RPRD1A: variants seen among roughly 807,000 people sequenced by gnomAD.
RPRD1A encodes regulation of nuclear pre-mRNA domain containing 1A.
In RPRD1A, 9 loss-of-function variants were observed where a neutral mutation model predicts 37.8. That is an observed-to-expected ratio of 0.24 (90% CI 0.14 to 0.42). RPRD1A has a LOEUF of 0.42. Ranked by LOEUF, RPRD1A falls within the 10% of genes least tolerant of loss-of-function variation. RPRD1A has a pLI of 1.00. For missense variants in RPRD1A, 255 were observed against 371.0 expected (o/e 0.69, Z 2.57); for synonymous variants, 138 against 139.7 (o/e 0.99, Z 0.08).
intron 1 of RPRD1A, among the ~76,000 whole-genome samples, chr18:36,054,671 C>G (rs150400803): frequency 1.3e-5 from 2 of 152,012 alleles, no homozygotes; most frequent in Non-Finnish European, 2.9e-5. Context: ...ACAAGTCCCA[C>G]GATCTGCAGT....
chr18:36,008,577 G>GTGTGTATGTATATATATATATATATATA lies in RPRD1A; in HGVS notation c.790-15278_790-15277insTATATATATATATATATATACATACACA. ...GGCGACACAGCAAGACCTTGTGTGTGTATATATATATATCTTTAAAAATCT... is the reference window on the plus strand; with the variant it reads ...GGCGACACAGCAAGACCTTGTGTGTGTGTGTATGTATATATATATATATATATATATATATATATATCTTTAAAAATCT... On this transcript the variant is annotated intron_variant, in intron 6 of 6. Transcript: ENST00000399022. 2.9e-4 allele frequency among the ~76,000 whole-genome samples: 14 copies of GTGTGTATGTATATATATATATATATATA among 47,798 alleles called. 1 individual carries two copies. The highest frequency in any genetic ancestry group is 5.6e-4 in the Admixed American group (2 of 3,558). 31.4% of individuals were successfully genotyped at this position (47,798 alleles called of 152,430 possible). A position where few individuals can be genotyped will look rare whatever the true frequency, so the allele number is the denominator to read the frequency against.
Position 36,054,366 on chromosome 18 carries a change from G to A in RPRD1A, c.151+12888C>T, listed in dbSNP as rs140517103. 7.9e-4 allele frequency among the ~76,000 whole-genome samples: 120 copies of A among 152,198 alleles called. 2 individuals carry two copies. In the East Asian group the frequency reaches 0.018, roughly 23 times the overall value. On this transcript the variant is annotated intron_variant, in intron 1 of 6. Coordinates refer to ENST00000399022, the MANE Select transcript of RPRD1A (RefSeq NM_018170.5). Reference sequence around the variant, plus strand: ...AAATTAGCCAGATGTGGTGGCGGGCGCCTGTAATCCCAGCTACTCGGGAGG... The same window carrying A: ...AAATTAGCCAGATGTGGTGGCGGGCACCTGTAATCCCAGCTACTCGGGAGG...
chr18:36,046,906 C>A (rs939177510), intron 1 of RPRD1A, among the ~76,000 whole-genome samples: 1 of 151,408 alleles, frequency 6.6e-6, no homozygotes, highest in Non-Finnish European at 1.5e-5. Context: ...AAAAAATCAC[C>A]CCATATCAAG....
intron 1 of RPRD1A, among the ~76,000 whole-genome samples, chr18:36,055,074 C>G (rs1440197084): frequency 6.6e-6 from 1 of 152,200 alleles, no homozygotes; most frequent in Non-Finnish European, 1.5e-5. Context: ...GGCTGAATGT[C>G]TGGACATCCT....
rs201321239 is a variant in RPRD1A at position 35,993,208 on chromosome 18, A to G, written c.882T>C (p.Asn294=). The G allele has an allele frequency of 3.8e-5, 62 of 1,614,052 alleles. No homozygotes were observed. The Middle Eastern group carries it at 6.6e-4, about 17-fold the overall frequency. Reference sequence around the variant, plus strand: ...GCAGGTGCATGTGGCTGCCAGTGACATTGGGCAATCGAGATAAGTCTGGCA... The same window carrying G: ...GCAGGTGCATGTGGCTGCCAGTGACGTTGGGCAATCGAGATAAGTCTGGCA... ...QSLPDLSRLP[N]VTGSHMHLPF... The change falls in exon 7 of 7, where the codon AAT becomes AAC. Residue 294 remains asparagine, a synonymous_variant. Coordinates refer to ENST00000399022, the MANE Select transcript of RPRD1A (RefSeq NM_018170.5).
intron 4 of RPRD1A, among the ~76,000 whole-genome samples, chr18:36,029,578 A>G (rs1025857210): frequency 6.6e-6 from 1 of 151,172 alleles, no homozygotes; most frequent in African/African-American, 2.4e-5. Context: ...TCCCGCCTAC[A>G]TGTTTGAAAC....
At chr18:36,011,705 C>T (rs760347759) in intron 6 of RPRD1A, among the ~76,000 whole-genome samples, 1 of 151,996 alleles carries the variant, frequency 6.6e-6, no homozygotes, top group Non-Finnish European at 1.5e-5. Context: ...GCAAAAAATG[C>T]CAATGCCAAA....
chr18:36,063,611 G>A (rs1346539293), intron 1 of RPRD1A, among the ~76,000 whole-genome samples: 2 of 152,138 alleles, frequency 1.3e-5, no homozygotes, highest in South Asian at 2.1e-4. Context: ...AAGATTGATC[G>A]ATTCCTTTCA....
intron 1 of RPRD1A, among the ~76,000 whole-genome samples, chr18:36,041,333 G>A (rs973226426): frequency 2.6e-5 from 4 of 151,656 alleles, no homozygotes; most frequent in Non-Finnish European, 2.9e-5. Context: ...CCTTTTCTCC[G>A]AATTCTTTGG....
chr18:36,022,723 G>A (rs1911075270), intron 6 of RPRD1A, among the ~76,000 whole-genome samples: 1 of 152,146 alleles, frequency 6.6e-6, no homozygotes, highest in African/African-American at 2.4e-5. Context: ...AGCACTTTGG[G>A]AGGCCCAGGT....
chr18:36,066,038 A>T (rs2089023044), intron 1 of RPRD1A, among the ~76,000 whole-genome samples: 1 of 152,190 alleles, frequency 6.6e-6, no homozygotes, highest in African/African-American at 2.4e-5. Context: ...CTAATTCCTG[A>T]CTTTTCAAAG....
intron 1 of RPRD1A, among the ~76,000 whole-genome samples, chr18:36,048,820 T>C (rs1237739587): frequency 6.6e-6 from 1 of 152,254 alleles, no homozygotes; most frequent in Non-Finnish European, 1.5e-5. Context: ...GAAAAAATTA[T>C]AAATGAAGAA....
chr18:36,067,546 C>G lies in RPRD1A; in HGVS notation c.-142G>C, dbSNP rs2089058541. On this transcript the variant is annotated 5_prime_UTR_variant, in exon 1 of 7. Transcript: ENST00000399022. ...CCGCCGCTTCATCCAAGACCGGCCG[C>G]AAACCAGCAAGATGGCGTCCGGCCG... 2 of 788,888 alleles carry G rather than the reference C, an allele frequency of 2.5e-6. No individual in the cohort carries two copies. The highest frequency in any genetic ancestry group is 3.8e-6 in the Non-Finnish European group (2 of 526,260). The allele number at this position is 788,888 out of a possible 1,614,324, so 48.9% of individuals were successfully genotyped here.
At chr18:36,037,957 C>T (rs2144323367) in intron 1 of RPRD1A, among the ~76,000 whole-genome samples, 1 of 152,220 alleles carries the variant, frequency 6.6e-6, no homozygotes. Context: ...GTGACTTGGG[C>T]CCTCTTAAAA....
intron 1 of RPRD1A, chr18:36,064,229 G>T: frequency 6.6e-6 from 1 of 152,644 alleles, no homozygotes; most frequent in Non-Finnish European, 1.5e-5. Flanking sequence ...GGCTCCATCT[G>T]CTCTCAGGGA....
intron 1 of RPRD1A, among the ~76,000 whole-genome samples, chr18:36,057,199 G>C (rs923388575): frequency 6.6e-6 from 1 of 151,334 alleles, no homozygotes; most frequent in Non-Finnish European, 1.5e-5. Context: ...CTGGGCAACA[G>C]AGCCAAACCC....
intron 4 of RPRD1A, among the ~76,000 whole-genome samples, chr18:36,029,617 G>A (rs2144285424): frequency 7.2e-6 from 1 of 138,188 alleles, no homozygotes; most frequent in South Asian, 2.3e-4. Flanking sequence ...AAGACTCAAT[G>A]CCCACTTAAA....
At chr18:36,043,195 T>TTG (rs1568141855) in intron 1 of RPRD1A, among the ~76,000 whole-genome samples, 1 of 50,048 alleles carries the variant, frequency 2.0e-5, no homozygotes, top group East Asian at 7.1e-4. Context: ...TCAAGAAGAA[T>TTG]CGGGGGGGGG....
At position 35,989,859 on chromosome 18, in the gene RPRD1A, C is replaced by T. The variant is rs536892934; in HGVS notation, c.*3292G>A. 5.3e-5 allele frequency: 8 copies of T among 152,306 alleles called. No homozygotes were observed. The highest frequency in any genetic ancestry group is 1.3e-4 in the Admixed American group (2 of 15,292). 9.4% of individuals were successfully genotyped at this position (152,306 alleles called of 1,614,324 possible). A position where few individuals can be genotyped will look rare whatever the true frequency, so the allele number is the denominator to read the frequency against. ...AAAGAACATAAAACTTTATTAAGAACATCTTATACTGTCATCAGATACAGC... is the reference window on the plus strand; with the variant it reads ...AAAGAACATAAAACTTTATTAAGAATATCTTATACTGTCATCAGATACAGC... On this transcript the variant is annotated 3_prime_UTR_variant, in exon 7 of 7. Transcript: ENST00000399022.
Sources: gnomAD v4.1 joint callset for allele counts (sites outside exome capture counted in the v4.1 genomes callset) on GRCh38, gnomAD v4.1.1 for gene constraint, MANE v1.5 for transcripts, NCBI Gene and HGNC (gene_info 2026-07-23, HGNC 2026-07-21) for gene names.